The following NUP37 variants were observed in gnomAD, a reference collection of about 807,000 sequenced individuals.
NUP37 encodes nucleoporin 37.
In NUP37, 33 loss-of-function variants were observed where a neutral mutation model predicts 45.4. The ratio of observed to expected loss-of-function variants is 0.73; its 90% CI spans 0.55 to 0.97. NUP37 has a LOEUF of 0.97. Ranked by LOEUF, NUP37 falls within the 50% of genes least tolerant of loss-of-function variation. The probability of loss-of-function intolerance (pLI) is 0.00; values close to 1 mark genes in which losing one functional copy is unlikely to be tolerated. For synonymous variants in NUP37, 127 were observed against 130.7 expected, an observed-to-expected ratio of 0.97 and a Z score of 0.19; for missense variants, 365 against 389.7, an observed-to-expected ratio of 0.94 and a Z score of 0.53.
rs904268402 is a variant in NUP37, at chr12:102,110,527, A to G, written c.281+1581T>C. Among the ~76,000 whole-genome samples, 10 of 152,076 alleles carry G rather than the reference A, an allele frequency of 6.6e-5. No homozygotes were observed. The East Asian group carries it at 1.9e-3, about 29-fold the overall frequency. On this transcript the variant is annotated intron_variant, in intron 3 of 9. Coordinates refer to ENST00000552283, the MANE Select transcript of NUP37 (RefSeq NM_024057.4). ...TGTACCAAAAAAATAAAAAAAAAAA[A>G]AAGAAAGATTGACAATAGCAAATAT...
Position 102,075,049 on chromosome 12 carries a change from A to G in NUP37, c.819T>C (p.Pro273=), listed in dbSNP as rs1324929180. ...TTTGAAACTGGCTTGCCATTTTGCC[A>G]GGATAACCAGTGGTTGCAAACAGAT... ...SENLFATTGY[P]GKMASQFQIH... is the part of the protein sequence containing the mutation. Residue 273 remains proline, a synonymous_variant, in exon 9 of 10, where the codon CCT becomes CCC. Transcript: ENST00000552283. The G allele has an allele frequency of 6.2e-7, 1 of 1,610,984 alleles. No individual in the cohort carries two copies. Among genetic ancestry groups the G allele is most frequent in the South Asian group, 1.1e-5 (1 of 90,618 alleles).
At chr12:102,079,136 G>A in intron 6 of NUP37, 7 of 449,098 alleles carry the variant, frequency 1.6e-5, no homozygotes, top group South Asian at 1.1e-4. Context: ...TGGTAGATTG[G>A]CAAGAATGTG....
At position 102,112,187 on chromosome 12, in the gene NUP37, T is replaced by C; in HGVS notation, c.202A>G (p.Thr68Ala). Reference sequence around the variant, plus strand: ...TCAACCCTGACTCCATGGTGAAATGTTCGAAGTGTTTTATACTGAATGCCT... The same window carrying C: ...TCAACCCTGACTCCATGGTGAAATGCTCGAAGTGTTTTATACTGAATGCCT... ...VEGIQYKTLR[T>A]FHHGVRVDGI... is the part of the protein sequence containing the mutation. The change falls in exon 3 of 10, where the codon ACA becomes GCA. Residue 68 changes from threonine (T) to alanine (A), a missense_variant. By Grantham distance (58) the Thr-to-Ala change is moderately conservative. Coordinates refer to ENST00000552283, the MANE Select transcript of NUP37 (RefSeq NM_024057.4). The C allele has an allele frequency of 3.1e-6, 5 of 1,613,782 alleles. No individual in the cohort carries two copies. The highest frequency in any genetic ancestry group is 4.2e-6 in the Non-Finnish European group (5 of 1,179,720).
chr12:102,118,337 C>T, intron 2 of NUP37, 26 bp downstream of exon 2: 1 of 1,594,794 alleles, frequency 6.3e-7, no homozygotes, highest in African/African-American at 1.3e-5. Context: ...TGTTCACTGT[C>T]ATTCGGTGCA....
At chr12:102,118,079 T>C (rs1046233732) in intron 2 of NUP37, among the ~76,000 whole-genome samples, 1 of 152,208 alleles carries the variant, frequency 6.6e-6, no homozygotes, top group Non-Finnish European at 1.5e-5. Flanking sequence ...GTTTTTTTCC[T>C]GTACATACCA....
Position 102,087,213 on chromosome 12 carries a change from G to A in NUP37, c.450-1357C>T, listed in dbSNP as rs546361177. ...GGAACCAATGAGGTTAAACCAAACAGGTTTAACCAATTTGAGGAATTTATT... is the reference window on the plus strand; with the variant it reads ...GGAACCAATGAGGTTAAACCAAACAAGTTTAACCAATTTGAGGAATTTATT... On this transcript the variant is annotated intron_variant, in intron 5 of 9. Coordinates refer to ENST00000552283, the MANE Select transcript of NUP37 (RefSeq NM_024057.4). Among the ~76,000 whole-genome samples the A allele has an allele frequency of 2.8e-3, 426 of 152,244 alleles. 5 individuals are homozygous for A. Among genetic ancestry groups the A allele is most frequent in the Non-Finnish European group, 1.5e-3 (101 of 68,012 alleles).
chr12:102,117,076 A>G (rs1219990684), intron 2 of NUP37, among the ~76,000 whole-genome samples: 2 of 152,224 alleles, frequency 1.3e-5, no homozygotes, highest in African/African-American at 2.4e-5. Flanking sequence ...CTATCACTTT[A>G]GTGATAGTTA....
At chr12:102,094,240 T>C (rs1879739808) in intron 5 of NUP37, among the ~76,000 whole-genome samples, 1 of 152,128 alleles carries the variant, frequency 6.6e-6, no homozygotes, top group South Asian at 2.1e-4. Context: ...CTGATCTTGA[T>C]TCAAAATGTT....
At chr12:102,101,174 A>C in intron 3 of NUP37, 70 bp from the exon 4 acceptor site, 11 of 741,876 alleles carry the variant, frequency 1.5e-5, no homozygotes, top group Non-Finnish European at 2.4e-5. Context: ...CCTCCCCCCC[A>C]TCCTTCCCTT....
intron 3 of NUP37, among the ~76,000 whole-genome samples, chr12:102,102,864 C>A (rs1001340540): frequency 2.6e-5 from 4 of 152,172 alleles, no homozygotes; most frequent in African/African-American, 9.6e-5. Flanking sequence ...GTCCTTTCTT[C>A]ATTTTATGTT....
At chr12:102,105,234 G>C (rs776770092) in intron 3 of NUP37, among the ~76,000 whole-genome samples, 10 of 152,138 alleles carry the variant, frequency 6.6e-5, no homozygotes, top group Non-Finnish European at 1.2e-4. Context: ...CATTGCACAA[G>C]AATGCCATGG....
At chr12:102,107,356 T>C (rs902203008) in intron 3 of NUP37, among the ~76,000 whole-genome samples, 4 of 152,214 alleles carry the variant, frequency 2.6e-5, no homozygotes, top group African/African-American at 9.6e-5. Flanking sequence ...CTGTCTAGGC[T>C]AGTCAGCTTC....
intron 9 of NUP37, 45 bp downstream of exon 9, chr12:102,074,956 T>TA (rs757754255): frequency 0.029 from 29,107 of 1,009,386 alleles, no homozygotes; most frequent in Non-Finnish European, 0.032. Context: ...AAACACAAAT[T>TA]AAAAAAAAAA....
rs1367713332 is a variant in NUP37 at position 102,074,336 on chromosome 12, T to C, written c.*18A>G. ...ACTAAAAATACAAAGTTTGTGAATC[T>C]AAGGTACAGAAAACACTTTATACTT... On this transcript the variant is annotated 3_prime_UTR_variant, in exon 10 of 10. Coordinates refer to ENST00000552283, the MANE Select transcript of NUP37 (RefSeq NM_024057.4). The C allele has an allele frequency of 6.9e-7, 1 of 1,457,430 alleles. No homozygotes were observed. The highest frequency in any genetic ancestry group is 9.5e-7 in the Non-Finnish European group (1 of 1,048,292). The allele number at this position is 1,457,430 out of a possible 1,614,324, so 90.3% of individuals were successfully genotyped here. A position where few individuals can be genotyped will look rare whatever the true frequency, so the allele number is the denominator to read the frequency against.
intron 2 of NUP37, among the ~76,000 whole-genome samples, chr12:102,113,828 T>C (rs1880384540): frequency 6.6e-6 from 1 of 152,184 alleles, no homozygotes; most frequent in South Asian, 2.1e-4. Flanking sequence ...AATGCAAAGT[T>C]TTATAATGTA....
intron 3 of NUP37, among the ~76,000 whole-genome samples, chr12:102,106,719 C>A (rs973382281): frequency 7.2e-5 from 11 of 151,974 alleles, no homozygotes; most frequent in African/African-American, 2.4e-4. Context: ...GCAAAAAAAA[C>A]CAAGGAAAGC....
Position 102,112,193 on chromosome 12 carries a change from G to A in NUP37, c.196C>T (p.Leu66Phe), listed in dbSNP as rs1313257879. ...ADVEGIQYKT[L>F]RTFHHGVRVD... ...CTGACTCCATGGTGAAATGTTCGAA[G>A]TGTTTTATACTGAATGCCTTCAACG... Residue 66 changes from leucine (L) to phenylalanine (F), a missense_variant, in exon 3 of 10, where the codon CTT becomes TTT. Leu to Phe is a conservative substitution (Grantham distance 22). Coordinates refer to ENST00000552283, the MANE Select transcript of NUP37 (RefSeq NM_024057.4). 2.5e-6 allele frequency: 4 copies of A among 1,613,480 alleles called. No individual in the cohort carries two copies. The highest frequency in any genetic ancestry group is 3.4e-6 in the Non-Finnish European group (4 of 1,179,590).
chr12:102,112,340 A>T, intron 2 of NUP37, 108 bp from the exon 3 acceptor site: 4 of 871,772 alleles, frequency 4.6e-6, no homozygotes, highest in Non-Finnish European at 6.6e-6. Flanking sequence ...GCTTTTGAAA[A>T]GTTCAAAAGC....
intron 6 of NUP37, among the ~76,000 whole-genome samples, chr12:102,085,102 C>G (rs551871116): frequency 6.6e-6 from 1 of 152,152 alleles, no homozygotes; most frequent in Admixed American, 6.6e-5. Context: ...TTAAAACAAA[C>G]AACAAACAAA....
Sources: allele counts gnomAD v4.1 joint callset (sites outside exome capture counted in the v4.1 genomes callset), GRCh38; gene constraint gnomAD v4.1.1; transcripts MANE v1.5; gene names NCBI Gene and HGNC (gene_info 2026-07-23, HGNC 2026-07-21).